The following GAB2 variants were observed in gnomAD, a reference collection of about 807,000 sequenced individuals.
GAB2 encodes GRB2 associated binding protein 2.
Under a neutral mutation model 65.5 loss-of-function variants are expected in GAB2, and 26 were observed. That is an observed-to-expected ratio of 0.40 (90% CI 0.29 to 0.55). The LOEUF (loss-of-function observed/expected upper bound fraction) is 0.55, where lower values mean the gene tolerates loss of function less well. Ranked by LOEUF, GAB2 falls within the 20% of genes least tolerant of loss-of-function variation. GAB2 has a pLI of 0.53. For synonymous variants in GAB2, 321 were observed against 329.6 expected, an observed-to-expected ratio of 0.97 and a Z score of 0.28; for missense variants, 884 against 875.8, an observed-to-expected ratio of 1.01 and a Z score of -0.12.
In GAB2 at chr11:78,237,595, C is replaced by T. The variant is rs117447372; in HGVS notation, c.621-10544G>A. 5.8e-3 allele frequency among the ~76,000 whole-genome samples: 886 copies of T among 152,076 alleles called. 4 individuals carry two copies. Among genetic ancestry groups the T allele is most frequent in the Non-Finnish European group, 8.3e-3 (565 of 68,000 alleles). On this transcript the variant is annotated intron_variant, in intron 3 of 9. Transcript: ENST00000361507. ...TGTTATATAAATGCCACTGACTGTA[C>T]TTCAATTTCTTCCTAAAAACTTGTG...
At chr11:78,357,301 C>T (rs942546012) in intron 1 of GAB2, among the ~76,000 whole-genome samples, 8 of 152,082 alleles carry the variant, frequency 5.3e-5, no homozygotes, top group East Asian at 1.9e-4. Flanking sequence ...GTGGGCAATA[C>T]ATCTACAGCA....
intron 1 of GAB2, among the ~76,000 whole-genome samples, chr11:78,315,806 T>C (rs1340016968): frequency 6.6e-6 from 1 of 152,188 alleles, no homozygotes; most frequent in African/African-American, 2.4e-5. Context: ...GGTGTCAACT[T>C]GATTGGATTG....
intron 1 of GAB2, among the ~76,000 whole-genome samples, chr11:78,381,202 C>G (rs1199406682): frequency 6.6e-6 from 1 of 152,144 alleles, no homozygotes; most frequent in Non-Finnish European, 1.5e-5. Flanking sequence ...TGAAAATGTC[C>G]CATCTCCCAT....
At chr11:78,347,062 A>G (rs1354304093) in intron 1 of GAB2, among the ~76,000 whole-genome samples, 2 of 152,144 alleles carry the variant, frequency 1.3e-5, no homozygotes, top group Non-Finnish European at 2.9e-5. Flanking sequence ...TGGGTGATCT[A>G]AGGATTAACT....
intron 2 of GAB2, among the ~76,000 whole-genome samples, chr11:78,277,470 A>T (rs1451340065): frequency 6.6e-6 from 1 of 152,196 alleles, no homozygotes; most frequent in Non-Finnish European, 1.5e-5. Flanking sequence ...ACGGTCTCCC[A>T]ATCGATAGAA....
intron 1 of GAB2, among the ~76,000 whole-genome samples, chr11:78,342,538 A>G (rs942287701): frequency 2.6e-5 from 4 of 151,142 alleles, no homozygotes; most frequent in African/African-American, 7.3e-5. Context: ...TCTCCCGAGT[A>G]GCTGGGACTA....
chr11:78,298,843 C>T (rs1396137264), intron 1 of GAB2, among the ~76,000 whole-genome samples: 1 of 152,222 alleles, frequency 6.6e-6, no homozygotes, highest in Non-Finnish European at 1.5e-5. Flanking sequence ...ACAAAGGCTT[C>T]TCTCTCAGTC....
At chr11:78,331,869 T>C (rs1469658854) in intron 1 of GAB2, among the ~76,000 whole-genome samples, 3 of 152,026 alleles carry the variant, frequency 2.0e-5, no homozygotes, top group Admixed American at 1.3e-4. Flanking sequence ...TCCTATGCCA[T>C]TGTTTATAGC....
intron 1 of GAB2, among the ~76,000 whole-genome samples, chr11:78,289,141 T>C (rs957431263): frequency 6.6e-6 from 1 of 152,252 alleles, no homozygotes; most frequent in African/African-American, 2.4e-5. Context: ...GGTTCGTGCC[T>C]GTAATCCCAG....
intron 2 of GAB2, among the ~76,000 whole-genome samples, chr11:78,254,618 A>T (rs1280085621): frequency 6.6e-6 from 1 of 152,084 alleles, no homozygotes; most frequent in Non-Finnish European, 1.5e-5. Context: ...TGGGAAACCT[A>T]GTGAGAGTCG....
intron 2 of GAB2, among the ~76,000 whole-genome samples, chr11:78,271,799 C>T (rs772661200): frequency 7.9e-5 from 12 of 152,290 alleles, no homozygotes; most frequent in Non-Finnish European, 1.8e-4. Flanking sequence ...TTAAGACAAG[C>T]CTGGGTGATA....
At chr11:78,353,824 C>A (rs1366481697) in intron 1 of GAB2, among the ~76,000 whole-genome samples, 3 of 152,196 alleles carry the variant, frequency 2.0e-5, no homozygotes, top group Non-Finnish European at 4.4e-5. Flanking sequence ...GACAGTGCAG[C>A]TCTAGATAAA....
At position 78,268,768 on chromosome 11, in the gene GAB2, T is replaced by C. The variant is rs1420362125; in HGVS notation, c.376+11833A>G. On this transcript the variant is annotated intron_variant, in intron 2 of 9. Coordinates refer to ENST00000361507, the MANE Select transcript of GAB2 (RefSeq NM_080491.3). ...AAAAAAAAAAAGGCAGAAATAAGGATGAAGACTTAGAACGAAGAGAATAGG... is the reference window on the plus strand; with the variant it reads ...AAAAAAAAAAAGGCAGAAATAAGGACGAAGACTTAGAACGAAGAGAATAGG... Among the ~76,000 whole-genome samples, 9 of 149,346 alleles carry C rather than the reference T, an allele frequency of 6.0e-5. No individual in the cohort carries two copies. The East Asian group carries it at 1.4e-3, about 23-fold the overall frequency.
intron 2 of GAB2, among the ~76,000 whole-genome samples, chr11:78,266,040 C>A (rs1865864878): frequency 6.6e-6 from 1 of 151,566 alleles, no homozygotes; most frequent in South Asian, 2.1e-4. Flanking sequence ...CATGGTGAAA[C>A]CCCATCTCTA....
At chr11:78,374,522 G>T (rs1856609575) in intron 1 of GAB2, among the ~76,000 whole-genome samples, 1 of 152,140 alleles carries the variant, frequency 6.6e-6, no homozygotes, top group Non-Finnish European at 1.5e-5. Flanking sequence ...TAGTGAAGTT[G>T]TTACACCTTA....
rs1491582440 is a variant in GAB2, at chr11:78,215,437, AAT to A, written c.*3833_*3834del. The stretch of plus-strand genomic sequence containing the variant: ...ACACTCCTGTCCCACCCACCGGATA[AAT>A]ATGTTACAATTTAAAAAAAAGAATA... On this transcript the variant is annotated 3_prime_UTR_variant, in exon 10 of 10. Transcript: ENST00000361507. 2.0e-5 allele frequency: 3 copies of A among 152,646 alleles called. No homozygotes were observed. The highest frequency in any genetic ancestry group is 2.4e-5 in the African/African-American group (1 of 41,434). 9.5% of individuals were successfully genotyped at this position (152,646 alleles called of 1,614,324 possible).
chr11:78,371,209 C>T (rs1856567685), intron 1 of GAB2, among the ~76,000 whole-genome samples: 1 of 152,318 alleles, frequency 6.6e-6, no homozygotes, highest in East Asian at 1.9e-4. Context: ...CAGAATAGAA[C>T]TTTAACTATC....
intron 3 of GAB2, among the ~76,000 whole-genome samples, chr11:78,234,463 T>C (rs1864933525): frequency 6.6e-6 from 1 of 151,986 alleles, no homozygotes; most frequent in South Asian, 2.1e-4. Context: ...ATATGAAGGG[T>C]TGCTGTTCTT....
chr11:78,222,337 G>C lies in GAB2; in HGVS notation c.1568-142C>G, dbSNP rs1479697549. ...CACAGGGAAACTGACGCTCAGCGAG[G>C]TTGTATAATCTTTGCCCATATTGAT... On this transcript the variant is annotated intron_variant, in intron 6 of 9. Transcript: ENST00000361507. 4 of 633,726 alleles carry C rather than the reference G, an allele frequency of 6.3e-6. No homozygotes were observed. The Admixed American group carries it at 9.3e-5, about 15-fold the overall frequency. The allele number at this position is 633,726 out of a possible 1,614,324, so 39.3% of individuals were successfully genotyped here.
Sources: allele counts gnomAD v4.1 joint callset (sites outside exome capture counted in the v4.1 genomes callset), GRCh38; gene constraint gnomAD v4.1.1; transcripts MANE v1.5; gene names NCBI Gene and HGNC (gene_info 2026-07-23, HGNC 2026-07-21).